Variants in ACSF3 observed in about 807,000 individuals in gnomAD.
ACSF3 encodes the protein malonate--CoA ligase ACSF3, mitochondrial.
Under a neutral mutation model 53.2 loss-of-function variants are expected in ACSF3, and 78 were observed. The observed-to-expected ratio is 1.47, with a 90% confidence interval of 1.22 to 1.77. ACSF3 has a LOEUF of 1.77. Ranked by LOEUF, ACSF3 falls within the 40% of genes most tolerant of loss-of-function variation. The probability of loss-of-function intolerance (pLI) is 0.00; values close to 1 mark genes in which losing one functional copy is unlikely to be tolerated. For missense variants in ACSF3, 937 were observed against 771.1 expected (o/e 1.22, Z -2.55); for synonymous variants, 414 against 333.1 (o/e 1.24, Z -2.65).
At chr16:89,140,926 A>C in intron 8 of ACSF3, 1 of 474,852 alleles carries the variant, frequency 2.1e-6, no homozygotes, top group Non-Finnish European at 3.4e-6. Flanking sequence ...GTCAGAAGAA[A>C]ACTCCTTTAA....
At chr16:89,153,431 C>T (rs1175221453) in intron 10 of ACSF3, 2 of 156,890 alleles carry the variant, frequency 1.3e-5, no homozygotes, top group African/African-American at 4.8e-5. Context: ...TGGCAGTGCC[C>T]TGGCCCCACC....
rs2151405382 is a variant in ACSF3, at chr16:89,100,798, C to T, written c.117C>T (p.Arg39=). Residue 39 remains arginine (R), a synonymous_variant, in exon 3 of 11, where the codon CGC becomes CGT. Transcript: ENST00000614302. The stretch of plus-strand genomic sequence containing the variant: ...TTCTGCACACAGCCCCAGTGGCCCG[C>T]TCGGACAGGAGCGCCCCGGTGTTCA... ...SGLLHTAPVA[R]SDRSAPVFTR... The T allele has an allele frequency of 5.6e-6, 9 of 1,612,418 alleles. No individual in the cohort carries two copies. Among genetic ancestry groups the T allele is most frequent in the Non-Finnish European group, 7.6e-6 (9 of 1,180,026 alleles).
At chr16:89,122,080 G>A (rs541924184) in intron 7 of ACSF3, among the ~76,000 whole-genome samples, 1 of 103,100 alleles carries the variant, frequency 9.7e-6, no homozygotes, top group African/African-American at 3.4e-5. Flanking sequence ...TGCAGTGGCC[G>A]CACCTTGTGT....
At chr16:89,143,502 G>A (rs1027011862) in intron 8 of ACSF3, among the ~76,000 whole-genome samples, 2 of 152,180 alleles carry the variant, frequency 1.3e-5, no homozygotes, top group African/African-American at 4.8e-5. Context: ...CGTGGGGCAG[G>A]AGCAGCCTGG....
chr16:89,120,140 C>T (rs1029691922), intron 6 of ACSF3, among the ~76,000 whole-genome samples: 1 of 152,210 alleles, frequency 6.6e-6, no homozygotes, highest in Non-Finnish European at 1.5e-5. Context: ...CGGGACACGT[C>T]TCGCCACCTG....
intron 8 of ACSF3, among the ~76,000 whole-genome samples, chr16:89,135,240 A>G (rs1344051399): frequency 1.3e-5 from 2 of 152,234 alleles, no homozygotes; most frequent in Non-Finnish European, 2.9e-5. Flanking sequence ...CAGGGAGCAG[A>G]GCGGGGGGCT....
chr16:89,153,891 C>T (rs930265215), intron 10 of ACSF3, 199 bp from the exon 11 acceptor site: 2 of 619,458 alleles, frequency 3.2e-6, no homozygotes, highest in Admixed American at 2.6e-5. Flanking sequence ...TGCCGGGCAC[C>T]TCCTGCAGTC....
chr16:89,112,865 G>A (rs559740699), intron 5 of ACSF3, among the ~76,000 whole-genome samples: 19 of 152,306 alleles, frequency 1.2e-4, no homozygotes, highest in Admixed American at 7.8e-4. Context: ...CTCTGCCTTC[G>A]TGGGCAGCCC....
At chr16:89,112,794 C>A (rs775085068) in intron 5 of ACSF3, among the ~76,000 whole-genome samples, 1 of 152,242 alleles carries the variant, frequency 6.6e-6, no homozygotes, top group Non-Finnish European at 1.5e-5. Flanking sequence ...GTGAGCTGAC[C>A]CGCTTGCTCC....
At chr16:89,114,764 G>A in intron 6 of ACSF3, 1 of 514,280 alleles carries the variant, frequency 1.9e-6, no homozygotes, top group Non-Finnish European at 3.6e-6. Context: ...GAACAGCAAT[G>A]CCTGGAATGC....
intron 4 of ACSF3, among the ~76,000 whole-genome samples, chr16:89,108,644 C>G (rs867208505): frequency 6.6e-6 from 1 of 152,204 alleles, no homozygotes; most frequent in South Asian, 2.1e-4. Flanking sequence ...GTGTCACACT[C>G]AGTCTTTTAT....
At chr16:89,130,903 G>C (rs55710626) in intron 7 of ACSF3, among the ~76,000 whole-genome samples, 5,719 of 152,104 alleles carry the variant, frequency 0.038, 195 homozygotes, top group East Asian at 0.13. Flanking sequence ...TTTCTCTGCT[G>C]TTCAGATTTT....
intron 7 of ACSF3, chr16:89,122,592 G>C (rs1906925719): frequency 7.9e-6 from 2 of 253,354 alleles, no homozygotes; most frequent in Non-Finnish European, 1.7e-5. Context: ...GGCTCAGCCT[G>C]TGCCTGGGTT....
rs906787809 is a variant in ACSF3, at chr16:89,155,080, G to A, written c.*873G>A. On this transcript the variant is annotated 3_prime_UTR_variant, in exon 11 of 11. Transcript: ENST00000614302. Reference sequence around the variant, plus strand: ...AGGCGTGGCCGATGCAGAAACCTCAGGAAGGTGTGTTGTGAATGTTGGGTG... The same window carrying A: ...AGGCGTGGCCGATGCAGAAACCTCAAGAAGGTGTGTTGTGAATGTTGGGTG... 4.4e-6 allele frequency: 2 copies of A among 453,982 alleles called. No individual in the cohort carries two copies. Among genetic ancestry groups the A allele is most frequent in the African/African-American group, 4.0e-5 (2 of 49,986 alleles). 28.1% of individuals were successfully genotyped at this position (453,982 alleles called of 1,614,324 possible).
intron 7 of ACSF3, among the ~76,000 whole-genome samples, chr16:89,126,770 C>T (rs989657987): frequency 6.6e-5 from 10 of 152,186 alleles, no homozygotes; most frequent in African/African-American, 1.9e-4. Context: ...TTTATTTCTT[C>T]CTTTCCAACC....
At chr16:89,114,885 C>A in intron 6 of ACSF3, 2 of 350,082 alleles carry the variant, frequency 5.7e-6, no homozygotes, top group Non-Finnish European at 1.1e-5. Context: ...CCACACAGCG[C>A]CAGCAGCAGT....
chr16:89,095,779 C>T (rs957081914), intron 1 of ACSF3, among the ~76,000 whole-genome samples: 2 of 152,224 alleles, frequency 1.3e-5, no homozygotes, highest in African/African-American at 4.8e-5. Flanking sequence ...TGGCCTGTGC[C>T]GGGCCATTCG....
At chr16:89,094,485 G>A (rs765081445) in intron 1 of ACSF3, among the ~76,000 whole-genome samples, 68 of 152,166 alleles carry the variant, frequency 4.5e-4, no homozygotes, top group Admixed American at 8.5e-4. Context: ...ACGTGCGGCC[G>A]GCCGTGAAGT....
rs150189012 is a variant in ACSF3, at chr16:89,141,318, G to A, written c.1367-3949G>A. The stretch of plus-strand genomic sequence containing the variant: ...GTAGTCTGGGAATGGGCAGGGAGAT[G>A]TCGACCCTCGGAGCTGAGACTGCTC... On this transcript the variant is annotated intron_variant, in intron 8 of 10. Transcript: ENST00000614302. The A allele has an allele frequency of 2.6e-4, 333 of 1,283,724 alleles. 1 individual carries two copies. The African/African-American group carries it at 4.5e-3, about 17-fold the overall frequency. 79.5% of individuals were successfully genotyped at this position (1,283,724 alleles called of 1,614,324 possible).
Sources: allele counts gnomAD v4.1 joint callset (sites outside exome capture counted in the v4.1 genomes callset), GRCh38; gene constraint gnomAD v4.1.1; transcripts MANE v1.5; gene names NCBI Gene and HGNC (gene_info 2026-07-23, HGNC 2026-07-21).